Variants in ALKBH1 observed in about 807,000 individuals in gnomAD.
The protein encoded by ALKBH1 is alkB homolog 1, histone H2A dioxygenase.
A neutral mutation model predicts 36.6 loss-of-function variants in ALKBH1; 31 were observed. That is an observed-to-expected ratio of 0.85 (90% CI 0.64 to 1.14). The LOEUF (loss-of-function observed/expected upper bound fraction) is 1.14. Among genes scored for constraint, ALKBH1 ranks in the 50% most tolerant of loss-of-function variants. ALKBH1 has a pLI of 0.00. For missense variants in ALKBH1, 490 were observed against 497.3 expected (o/e 0.99, Z 0.14); for synonymous variants, 183 against 186.6 (o/e 0.98, Z 0.16).
At chr14:77,692,822 A>ATTTT (rs1032389477) in intron 3 of ALKBH1, among the ~76,000 whole-genome samples, 7 of 150,560 alleles carry the variant, frequency 4.6e-5, no homozygotes, top group South Asian at 2.1e-4. Context: ...TTATTTATTT[A>ATTTT]ATTTATTTAT....
chr14:77,674,959 T>TA, intron 5 of ALKBH1, among the ~76,000 whole-genome samples: 1 of 152,270 alleles, frequency 6.6e-6, no homozygotes, highest in East Asian at 1.9e-4. Context: ...TTTCCCGAGA[T>TA]GCAGGTGCAA....
chr14:77,675,141 G>A (rs1289034973), intron 5 of ALKBH1, among the ~76,000 whole-genome samples: 1 of 151,960 alleles, frequency 6.6e-6, no homozygotes, highest in Non-Finnish European at 1.5e-5. Flanking sequence ...CATTATAAAA[G>A]GTAGGTTACG....
At chr14:77,692,547 CA>C (rs1047981232) in intron 3 of ALKBH1, among the ~76,000 whole-genome samples, 3 of 152,178 alleles carry the variant, frequency 2.0e-5, no homozygotes, top group Non-Finnish European at 4.4e-5. Context: ...GCTGATCTGA[CA>C]GGGGGCGAAG....
At chr14:77,705,456 AACAG>A (rs1298252431) in intron 1 of ALKBH1, among the ~76,000 whole-genome samples, 2 of 151,978 alleles carry the variant, frequency 1.3e-5, no homozygotes, top group African/African-American at 2.4e-5. Flanking sequence ...GAGTGCTGTA[AACAG>A]ACAGAAAAAA....
chr14:77,706,537 C>T (rs1485595729), intron 1 of ALKBH1, among the ~76,000 whole-genome samples: 1 of 152,198 alleles, frequency 6.6e-6, no homozygotes, highest in Non-Finnish European at 1.5e-5. Flanking sequence ...TTAATTACTA[C>T]TTTAATCTGC....
chr14:77,700,935 T>TA (rs1007472793), intron 2 of ALKBH1, among the ~76,000 whole-genome samples: 7 of 148,998 alleles, frequency 4.7e-5, no homozygotes, highest in South Asian at 2.1e-4. Context: ...AAAAAATAAA[T>TA]AAAAAAAAAA....
intron 4 of ALKBH1, among the ~76,000 whole-genome samples, chr14:77,678,228 T>C (rs991513511): frequency 1.3e-5 from 2 of 151,930 alleles, no homozygotes; most frequent in Non-Finnish European, 2.9e-5. Flanking sequence ...GGCACTATCA[T>C]TACCGGAGGA....
chr14:77,674,997 T>C (rs1040018950), intron 5 of ALKBH1, among the ~76,000 whole-genome samples: 1 of 152,184 alleles, frequency 6.6e-6, no homozygotes, highest in Non-Finnish European at 1.5e-5. Flanking sequence ...AACTTACTTT[T>C]AGGGAGACAA....
chr14:77,700,446 A>G (rs1168225236), intron 2 of ALKBH1, among the ~76,000 whole-genome samples: 1 of 152,222 alleles, frequency 6.6e-6, no homozygotes, highest in Non-Finnish European at 1.5e-5. Context: ...CATCAAGGAA[A>G]CCTCATACAG....
At chr14:77,704,815 A>G (rs1237742655) in intron 1 of ALKBH1, among the ~76,000 whole-genome samples, 2 of 152,188 alleles carry the variant, frequency 1.3e-5, no homozygotes, top group African/African-American at 4.8e-5. Context: ...TGAGTCATTT[A>G]ATGTCTTAGA....
chr14:77,707,759 G>A lies in ALKBH1; in HGVS notation c.183+63C>T, dbSNP rs114421251. 2.6e-6 allele frequency: 4 copies of A among 1,522,610 alleles called. No homozygotes were observed. The Admixed American group carries it at 8.4e-5, about 32-fold the overall frequency. The allele number at this position is 1,522,610 out of a possible 1,614,324, so 94.3% of individuals were successfully genotyped here. On this transcript the variant is annotated intron_variant, in intron 1 of 5. Transcript: ENST00000216489. The stretch of plus-strand genomic sequence containing the variant: ...AGGTGAAAAGAGGCGAAGAAGACAC[G>A]TAAGTCCCTCCAAGACGCGGGGCAA...
At chr14:77,704,635 T>C (rs535150244) in intron 1 of ALKBH1, among the ~76,000 whole-genome samples, 158 bp from the exon 2 acceptor site, 1 of 152,372 alleles carries the variant, frequency 6.6e-6, no homozygotes, top group East Asian at 1.9e-4. Flanking sequence ...TGCAGAGGCA[T>C]GATCATAGTT....
chr14:77,690,623 T>C (rs911355541), intron 3 of ALKBH1, among the ~76,000 whole-genome samples: 5 of 152,164 alleles, frequency 3.3e-5, no homozygotes, highest in Non-Finnish European at 7.3e-5. Flanking sequence ...GGCTTTGAAG[T>C]CTGGAATATA....
intron 3 of ALKBH1, among the ~76,000 whole-genome samples, chr14:77,685,797 C>G (rs746888201): frequency 6.6e-6 from 1 of 151,816 alleles, no homozygotes; most frequent in Non-Finnish European, 1.5e-5. Context: ...TGAGTTTTTG[C>G]GTTATATTAT....
At chr14:77,674,266 C>G in intron 5 of ALKBH1, 25 bp from the exon 6 acceptor site, 3 of 1,520,878 alleles carry the variant, frequency 2.0e-6, no homozygotes, top group Non-Finnish European at 2.6e-6. Flanking sequence ...TAAAAACACA[C>G]AACAATAAAA....
chr14:77,691,326 G>C (rs1566815054), intron 3 of ALKBH1, among the ~76,000 whole-genome samples: 2 of 152,028 alleles, frequency 1.3e-5, no homozygotes, highest in Non-Finnish European at 2.9e-5. Context: ...AAAACCAAAA[G>C]GATCTTAGAG....
chr14:77,691,045 T>C (rs1319596172), intron 3 of ALKBH1, among the ~76,000 whole-genome samples: 1 of 152,024 alleles, frequency 6.6e-6, no homozygotes, highest in East Asian at 1.9e-4. Flanking sequence ...AGATGATCTG[T>C]CCAACTCGGC....
rs201032174 is a variant in ALKBH1 at position 77,675,881 on chromosome 14, A to G, written c.547-32T>C. On this transcript the variant is annotated intron_variant, in intron 4 of 5. Transcript: ENST00000216489. ...TAAATGTAGAGAGAATAAGAAAAATAAACAATGATCTCAGGAATACAGGAA... is the reference window on the plus strand; with the variant it reads ...TAAATGTAGAGAGAATAAGAAAAATGAACAATGATCTCAGGAATACAGGAA... 3 of 1,549,408 alleles carry G rather than the reference A, an allele frequency of 1.9e-6. No homozygotes were observed. The African/African-American group carries it at 4.1e-5, about 21-fold the overall frequency.
At chr14:77,688,737 A>G (rs985957179) in intron 3 of ALKBH1, among the ~76,000 whole-genome samples, 5 of 151,152 alleles carry the variant, frequency 3.3e-5, no homozygotes, top group African/African-American at 7.3e-5. Flanking sequence ...ATGCCCAGCT[A>G]TTTTTTGTAT....
Sources: allele counts gnomAD v4.1 joint callset (sites outside exome capture counted in the v4.1 genomes callset), GRCh38; gene constraint gnomAD v4.1.1; transcripts MANE v1.5; gene names NCBI Gene and HGNC (gene_info 2026-07-23, HGNC 2026-07-21).